SYNPO: variants seen among roughly 807,000 people sequenced by gnomAD.
SYNPO encodes synaptopodin.
In SYNPO, 19 loss-of-function variants were observed where a neutral mutation model predicts 49.5. The observed-to-expected ratio is 0.38, with a 90% CI of 0.27 to 0.56. The LOEUF is 0.56. Among genes scored for constraint, SYNPO ranks in the 20% least tolerant of loss-of-function variants. The pLI is 0.68. For synonymous variants in SYNPO, 536 were observed against 548.0 expected, an observed-to-expected ratio of 0.98 and a Z score of 0.31; for missense variants, 1,131 against 1,248.3, an observed-to-expected ratio of 0.91 and a Z score of 1.42.
the SYNPO span, among the ~76,000 whole-genome samples, chr5:150,595,788 TC>T: frequency 5.5e-4 from 75 of 137,364 alleles, 1 homozygote; most frequent in South Asian, 0.018. Flanking sequence ...CTTCTTAATC[TC>T]CCCCCACCCC....
upstream of SYNPO, among the ~76,000 whole-genome samples, chr5:150,639,703 C>A (rs966192520): frequency 6.6e-6 from 1 of 152,218 alleles, no homozygotes; most frequent in Non-Finnish European, 1.5e-5. Flanking sequence ...GCATGTTAAA[C>A]CCTTGGCTTG....
intron 2 of SYNPO, among the ~76,000 whole-genome samples, chr5:150,632,165 A>G (rs765359706): frequency 6.6e-6 from 1 of 152,112 alleles, no homozygotes; most frequent in Non-Finnish European, 1.5e-5. Flanking sequence ...TCTATTATAG[A>G]TAAATACTCT....
chr5:150,656,633 T>A lies in SYNPO; in HGVS notation c.2258T>A (p.Leu753Gln), dbSNP rs775850216. Residue 753 changes from leucine (L) to glutamine (Q), a missense_variant, in exon 3 of 3, where the codon CTG becomes CAG. Leu to Gln is a moderately radical substitution (Grantham distance 113). Around this residue, in one of 4 missense-constraint regions of SYNPO, gnomAD observed 509 missense variants for 484.5 expected, o/e 1.05. Transcript: ENST00000307662. ...ETEARPPSRQ[L>Q]QALLARNIIN... ...GAGGCGCGGCCCCCCAGCCGCCAGC[T>A]GCAGGCGCTTCTGGCGCGAAACATC... The A allele has an allele frequency of 1.1e-4, 161 of 1,509,386 alleles. 1 individual carries two copies. In the Admixed American group the frequency reaches 1.8e-3, roughly 17 times the overall value. The allele number at this position is 1,509,386 out of a possible 1,614,324, so 93.5% of individuals were successfully genotyped here.
intron 1 of SYNPO, among the ~76,000 whole-genome samples, chr5:150,612,376 T>C (rs1221368846): frequency 6.6e-6 from 1 of 152,246 alleles, no homozygotes; most frequent in Non-Finnish European, 1.5e-5. Context: ...GCATCTACAA[T>C]ATGCCAGGCA....
chr5:150,656,935 T>C lies in SYNPO; in HGVS notation c.2560T>C (p.Ser854Pro). 6.3e-7 allele frequency: 1 copy of C among 1,581,896 alleles called. No homozygotes were observed. ...APPRPFLYRR[S>P]PTDSDVSLDS... is the part of the protein sequence containing the mutation. ...TCCCAGGCCCTTCCTCTACCGCCGC[T>C]CGCCCACGGACTCCGACGTGTCCCT... Residue 854 changes from serine to proline, a missense_variant, in exon 3 of 3, where the codon TCG (serine) becomes CCG (proline). Physicochemically the swap from Ser to Pro is moderately conservative, Grantham distance 74. Around this residue, in one of 4 missense-constraint regions of SYNPO, gnomAD observed 509 missense variants for 484.5 expected, o/e 1.05. Transcript: ENST00000307662.
At chr5:150,599,637 G>A (rs1014670930), upstream of SYNPO, among the ~76,000 whole-genome samples, 1 of 152,136 alleles carries the variant, frequency 6.6e-6, no homozygotes, top group Non-Finnish European at 1.5e-5. Context: ...AAAGTGTATC[G>A]GAGAAGAGTC....
At chr5:150,635,710 G>A (rs1022702712), upstream of SYNPO, among the ~76,000 whole-genome samples, 3 of 152,116 alleles carry the variant, frequency 2.0e-5, no homozygotes, top group Non-Finnish European at 2.9e-5. Flanking sequence ...TGATCTGCCC[G>A]CCTCGGCCTC....
chr5:150,627,512 T>C (rs543348068), intron 2 of SYNPO, among the ~76,000 whole-genome samples: 1 of 152,322 alleles, frequency 6.6e-6, no homozygotes, highest in East Asian at 1.9e-4. Context: ...GACAGGCCCC[T>C]GCCCTCAAGG....
chr5:150,624,902 C>A, intron 2 of SYNPO: 1 of 985,608 alleles, frequency 1.0e-6, no homozygotes, highest in Non-Finnish European at 1.2e-6. Flanking sequence ...TGCGCAGCGG[C>A]TGGAGGTGAG....
In SYNPO at chr5:150,650,288, C is replaced by T. The variant is rs777147061; in HGVS notation, c.2013C>T (p.Ala671=). Residue 671 remains alanine, a synonymous_variant, in exon 2 of 3, where the codon GCC becomes GCT. Transcript: ENST00000307662. Reference sequence around the variant, plus strand: ...GGCCCTCCTTCTCTACCCGGAACGCCGGGATCGAGGCTCAGGTGTGGAAGC... The same window carrying T: ...GGCCCTCCTTCTCTACCCGGAACGCTGGGATCGAGGCTCAGGTGTGGAAGC... The part of the protein sequence containing the change: ...APRPSFSTRN[A]GIEAQDRRES... 8 of 1,614,014 alleles carry T rather than the reference C, an allele frequency of 5.0e-6. No individual in the cohort carries two copies. Among genetic ancestry groups the T allele is most frequent in the East Asian group, 2.2e-5 (1 of 44,898 alleles).
At chr5:150,647,861 C>T in intron 1 of SYNPO, 83 bp from the exon 2 acceptor site, 1 of 1,278,034 alleles carries the variant, frequency 7.8e-7, no homozygotes, top group East Asian at 2.5e-5. Context: ...GCCGAGGCGA[C>T]CATCTCTGTC....
At chr5:150,598,951 C>A (rs577295593), upstream of SYNPO, among the ~76,000 whole-genome samples, 5 of 152,162 alleles carry the variant, frequency 3.3e-5, no homozygotes, top group African/African-American at 1.2e-4. Flanking sequence ...CCCCTCTAGC[C>A]CCTCATATGG....
At chr5:150,611,336 A>G (rs1262699910) in intron 1 of SYNPO, among the ~76,000 whole-genome samples, 1 of 152,272 alleles carries the variant, frequency 6.6e-6, no homozygotes, top group Non-Finnish European at 1.5e-5. Flanking sequence ...TTGAGTGAAC[A>G]AATGAGTAAA....
chr5:150,643,689 C>T (rs180759286), intron 1 of SYNPO, among the ~76,000 whole-genome samples: 1 of 152,276 alleles, frequency 6.6e-6, no homozygotes, highest in African/African-American at 2.4e-5. Context: ...CGCCCGCCAC[C>T]ACGCTTGGCT....
chr5:150,593,157 C>A, the SYNPO span, among the ~76,000 whole-genome samples: 3 of 152,202 alleles, frequency 2.0e-5, no homozygotes, highest in South Asian at 4.1e-4. Context: ...TTCTCATTTG[C>A]GGAGAAATGG....
intron 1 of SYNPO, chr5:150,618,067 T>A: frequency 3.5e-6 from 1 of 284,010 alleles, no homozygotes; most frequent in Middle Eastern, 9.3e-4. Context: ...AAGCGAGCTT[T>A]CTCATGTGCT....
chr5:150,620,929 C>CTTTCTTTCTTTT (rs1757144910), intron 2 of SYNPO, among the ~76,000 whole-genome samples: 1 of 125,628 alleles, frequency 8.0e-6, no homozygotes, highest in Non-Finnish European at 1.6e-5. Flanking sequence ...TTCTTTCTTT[C>CTTTCTTTCTTTT]TTTCTTTCTT....
chr5:150,639,705 C>T (rs1329668030), upstream of SYNPO, among the ~76,000 whole-genome samples: 1 of 152,210 alleles, frequency 6.6e-6, no homozygotes, highest in African/African-American at 2.4e-5. Context: ...ATGTTAAACC[C>T]TTGGCTTGGC....
At chr5:150,650,923 C>G in intron 2 of SYNPO, 1 of 1,256,232 alleles carries the variant, frequency 8.0e-7, no homozygotes, top group Non-Finnish European at 1.0e-6. Flanking sequence ...TGCCTCGCCT[C>G]CGCCTGCGCT....
Sources: gnomAD v4.1 joint callset for allele counts (sites outside exome capture counted in the v4.1 genomes callset) on GRCh38, gnomAD v4.1.1 for gene constraint, gnomAD v4.1.1 regional missense constraint, MANE v1.5 for transcripts, NCBI Gene and HGNC (gene_info 2026-07-23, HGNC 2026-07-21) for gene names.